Variants in SIAE observed in about 807,000 individuals in gnomAD.
SIAE encodes sialate O-acetylesterase.
In SIAE, 39 loss-of-function variants were observed where a neutral mutation model predicts 52.6. The observed-to-expected ratio is 0.74, with a 90% confidence interval of 0.57 to 0.97. SIAE has a LOEUF of 0.97. Ranked by LOEUF, SIAE falls within the 50% of genes least tolerant of loss-of-function variation. SIAE has a pLI of 0.00. For synonymous variants in SIAE, 233 were observed against 241.4 expected (o/e 0.97, Z 0.32); for missense variants, 592 against 662.1 (o/e 0.89, Z 1.16).
At chr11:124,639,666 A>G (rs140845504) in intron 8 of SIAE, 44 bp downstream of exon 8, 190 of 1,613,386 alleles carry the variant, frequency 1.2e-4, no homozygotes, top group Non-Finnish European at 1.2e-4. Flanking sequence ...GAAAGACTAC[A>G]AAGAACATAC....
chr11:124,646,052 T>C (rs1259732581), intron 7 of SIAE, among the ~76,000 whole-genome samples: 1 of 152,212 alleles, frequency 6.6e-6, no homozygotes, highest in Non-Finnish European at 1.5e-5. Flanking sequence ...AAGATGGGCA[T>C]TGTTTTTATA....
chr11:124,639,993 GCTT>G (rs1942818781), intron 7 of SIAE, 126 bp from the exon 8 acceptor site: 1 of 1,127,912 alleles, frequency 8.9e-7, no homozygotes. Context: ...TATTTACTGA[GCTT>G]CTTACTGTTG....
At chr11:124,669,102 G>A (rs993388114) in intron 2 of SIAE, among the ~76,000 whole-genome samples, 5 of 152,088 alleles carry the variant, frequency 3.3e-5, no homozygotes, top group South Asian at 2.1e-4. Context: ...CATTCATCAC[G>A]CTGTCCTATA....
chr11:124,674,667 C>CCCCAT (rs1306835289), upstream of SIAE: 3 of 152,250 alleles, frequency 2.0e-5, no homozygotes, highest in Admixed American at 6.5e-5. Context: ...TGACACACAG[C>CCCCAT]CCCATCCCAT....
At position 124,657,547 on chromosome 11, in the gene SIAE, A is replaced by T. The variant is rs528277332; in HGVS notation, c.406-2754T>A. ...TACTTGTCTTTTAGACCCGTTGCTA[A>T]CACTGTAGAGTACTGTGAGGCCAAT... On this transcript the variant is annotated intron_variant, in intron 3 of 9. Transcript: ENST00000263593. Among the ~76,000 whole-genome samples, 4 of 152,370 alleles carry T rather than the reference A, an allele frequency of 2.6e-5. No homozygotes were observed. In the South Asian group the frequency reaches 8.3e-4, roughly 32 times the overall value.
At chr11:124,676,199 A>G (rs775318026), upstream of SIAE, 1 of 152,350 alleles carries the variant, frequency 6.6e-6, no homozygotes, top group Non-Finnish European at 1.5e-5. Flanking sequence ...AGTACCAGCT[A>G]CTCAGGGGCT....
intron 3 of SIAE, chr11:124,658,748 T>C (rs1298855524): frequency 6.6e-6 from 1 of 152,076 alleles, no homozygotes. Context: ...TCTTACCTCC[T>C]CAGAGAAGTC....
In SIAE at chr11:124,634,543, T is replaced by C. The variant is rs970429729; in HGVS notation, c.*2408A>G. On this transcript the variant is annotated 3_prime_UTR_variant, in exon 10 of 10. Coordinates refer to ENST00000263593, the MANE Select transcript of SIAE (RefSeq NM_170601.5). ...TGTAGATATCTAAATTTTAAATATA[T>C]ATTTATCCTCTTCCATGTTAAGAAC... 1 of 152,164 alleles carries C rather than the reference T, an allele frequency of 6.6e-6. No individual in the cohort carries two copies. The highest frequency in any genetic ancestry group is 2.4e-5 in the African/African-American group (1 of 41,426). 9.4% of individuals were successfully genotyped at this position (152,164 alleles called of 1,614,324 possible). A position where few individuals can be genotyped will look rare whatever the true frequency, so the allele number is the denominator to read the frequency against.
chr11:124,637,191 G>GCAA lies in SIAE; in HGVS notation c.1329_1331dup (p.Cys444dup). On this transcript the variant is annotated inframe_insertion, in exon 10 of 10. Coordinates refer to ENST00000263593, the MANE Select transcript of SIAE (RefSeq NM_170601.5). ...GAAGCCACTTGCATCGATGGTCACT[G>GCAA]CAACAGGAGATCTAATAAGAGAGCC... 1 of 1,614,174 alleles carries GCAA rather than the reference G, an allele frequency of 6.2e-7. No individual in the cohort carries two copies. The highest frequency in any genetic ancestry group is 1.1e-5 in the South Asian group (1 of 91,084).
chr11:124,663,429 G>A (rs372826516), intron 2 of SIAE, among the ~76,000 whole-genome samples: 15 of 152,060 alleles, frequency 9.9e-5, no homozygotes, highest in Admixed American at 9.8e-4. Context: ...ACAAAAATGA[G>A]CTGGGCATGG....
chr11:124,667,708 A>G (rs1452012988), intron 2 of SIAE, among the ~76,000 whole-genome samples: 1 of 152,114 alleles, frequency 6.6e-6, no homozygotes, highest in Non-Finnish European at 1.5e-5. Flanking sequence ...GCACCTCCAC[A>G]TCACACAGCT....
intron 5 of SIAE, among the ~76,000 whole-genome samples, chr11:124,649,088 C>T (rs1245133568): frequency 6.6e-6 from 1 of 152,180 alleles, no homozygotes; most frequent in Non-Finnish European, 1.5e-5. Context: ...AATCAGTATA[C>T]TGATACATTT....
intron 4 of SIAE, among the ~76,000 whole-genome samples, chr11:124,652,096 G>A (rs1249810369): frequency 1.3e-5 from 2 of 152,192 alleles, no homozygotes; most frequent in African/African-American, 4.8e-5. Context: ...TGGAAGATAA[G>A]ACTGGAGGGG....
At chr11:124,675,550 G>T, upstream of SIAE, 1 of 953,524 alleles carries the variant, frequency 1.0e-6, no homozygotes. Flanking sequence ...AACAGTTCTT[G>T]CTCTTTGAAA....
chr11:124,668,943 A>G (rs1943310413), intron 2 of SIAE, among the ~76,000 whole-genome samples: 1 of 152,158 alleles, frequency 6.6e-6, no homozygotes, highest in African/African-American at 2.4e-5. Flanking sequence ...GGACTACCAG[A>G]GTTCTTACCC....
rs76881794 is a variant in SIAE, at chr11:124,657,489, C to T, written c.406-2696G>A. 7.8e-3 allele frequency among the ~76,000 whole-genome samples: 1,193 copies of T among 152,318 alleles called. 15 individuals are homozygous for T. Among genetic ancestry groups the T allele is most frequent in the African/African-American group, 0.027 (1,137 of 41,566 alleles). The stretch of plus-strand genomic sequence containing the variant: ...ACTCAAGTGCTTCATCACAGTGAGA[C>T]GCCAGCTTGGGAGGCAGTATGAGAG... On this transcript the variant is annotated intron_variant, in intron 3 of 9. Transcript: ENST00000263593.
chr11:124,638,515 C>T (rs1331499384), intron 9 of SIAE, 27 bp downstream of exon 9: 2 of 1,610,662 alleles, frequency 1.2e-6, no homozygotes, highest in Middle Eastern at 1.7e-4. Flanking sequence ...CAAAATGAAC[C>T]CCTGTTTATT....
At chr11:124,671,810 G>A (rs1016229436) in intron 1 of SIAE, among the ~76,000 whole-genome samples, 4 of 152,174 alleles carry the variant, frequency 2.6e-5, no homozygotes, top group African/African-American at 9.7e-5. Flanking sequence ...CACCCAGGCT[G>A]GAGTGCAGTG....
rs1942732393 is a variant in SIAE at position 124,636,065 on chromosome 11, C to T, written c.*886G>A. On this transcript the variant is annotated 3_prime_UTR_variant, in exon 10 of 10. Coordinates refer to ENST00000263593, the MANE Select transcript of SIAE (RefSeq NM_170601.5). ...TGAGATTTATATTTAACTCGAACAA[C>T]AGTTTGCCTCTGTTGCCCCTGTGTT... 6.6e-6 allele frequency: 1 copy of T among 152,142 alleles called. No homozygotes were observed. The allele number at this position is 152,142 out of a possible 1,614,324, so 9.4% of individuals were successfully genotyped here. A position where few individuals can be genotyped will look rare whatever the true frequency, so the allele number is the denominator to read the frequency against.
Sources: gnomAD v4.1 joint callset for allele counts (sites outside exome capture counted in the v4.1 genomes callset) on GRCh38, gnomAD v4.1.1 for gene constraint, MANE v1.5 for transcripts, NCBI Gene and HGNC (gene_info 2026-07-23, HGNC 2026-07-21) for gene names.